The following HS2ST1 variants were observed in gnomAD, a reference collection of about 807,000 sequenced individuals.
HS2ST1 encodes 2-O-sulfotransferase.
In HS2ST1, 18 loss-of-function variants were observed where a neutral mutation model predicts 42.9. That is an observed-to-expected ratio of 0.42 (90% CI 0.29 to 0.62). The LOEUF (loss-of-function observed/expected upper bound fraction) is 0.62. HS2ST1 is among the 20% of genes least tolerant of loss of function. The pLI is 0.21. For synonymous variants in HS2ST1, 146 were observed against 152.9 expected (o/e 0.95, Z 0.33); for missense variants, 334 against 433.8 (o/e 0.77, Z 2.04).
intron 1 of HS2ST1, among the ~76,000 whole-genome samples, chr1:86,928,159 G>A (rs528352497): frequency 3.9e-5 from 6 of 152,032 alleles, no homozygotes; most frequent in African/African-American, 1.4e-4. Context: ...CCCTATTTTT[G>A]TTCTAAGACT....
intron 1 of HS2ST1, among the ~76,000 whole-genome samples, chr1:86,941,498 AC>A (rs1660762092): frequency 6.6e-6 from 1 of 152,114 alleles, no homozygotes; most frequent in African/African-American, 2.4e-5. Flanking sequence ...ACAGCCGGGC[AC>A]CGTGGCTCAC....
rs755789064 is a variant in HS2ST1, at chr1:86,914,994, C to T, written c.-43C>T. On this transcript the variant is annotated 5_prime_UTR_variant, in exon 1 of 7. Coordinates refer to ENST00000370550, the MANE Select transcript of HS2ST1 (RefSeq NM_012262.4). Reference sequence around the variant, plus strand: ...TCTCTCTCGCCTCCGGGGTCCCGCTCCCCGCCCCCCGCGGTATGTCTTGAT... The same window carrying T: ...TCTCTCTCGCCTCCGGGGTCCCGCTTCCCGCCCCCCGCGGTATGTCTTGAT... The T allele has an allele frequency of 1.8e-5, 29 of 1,611,718 alleles. No homozygotes were observed. The highest frequency in any genetic ancestry group is 1.3e-4 in the African/African-American group (10 of 74,894).
At chr1:86,959,530 C>T (rs947423697) in intron 1 of HS2ST1, among the ~76,000 whole-genome samples, 2 of 152,038 alleles carry the variant, frequency 1.3e-5, no homozygotes, top group African/African-American at 2.4e-5. Flanking sequence ...TGGTGGTGCA[C>T]GTCTGTAGTC....
At chr1:86,954,693 A>G (rs1317954312) in intron 1 of HS2ST1, among the ~76,000 whole-genome samples, 1 of 152,162 alleles carries the variant, frequency 6.6e-6, no homozygotes, top group Non-Finnish European at 1.5e-5. Flanking sequence ...CTTCTCATGT[A>G]TGTTACAGGG....
intron 1 of HS2ST1, among the ~76,000 whole-genome samples, chr1:86,941,064 A>G (rs977340487): frequency 5.9e-5 from 9 of 152,236 alleles, no homozygotes; most frequent in Admixed American, 3.3e-4. Context: ...AAACATCTGT[A>G]ATATGCTGTA....
intron 1 of HS2ST1, among the ~76,000 whole-genome samples, chr1:86,995,059 AT>A (rs1649060231): frequency 6.6e-6 from 1 of 151,908 alleles, no homozygotes; most frequent in Non-Finnish European, 1.5e-5. Context: ...AAATTATAGG[AT>A]TTTTTTCTTC....
chr1:87,047,948 T>C (rs1650728968), intron 1 of HS2ST1, among the ~76,000 whole-genome samples: 2 of 152,190 alleles, frequency 1.3e-5, no homozygotes, highest in Non-Finnish European at 2.9e-5. Flanking sequence ...ATTTCCATAT[T>C]AGTTGGTCAA....
At chr1:87,077,633 A>G (rs1047463392) in intron 2 of HS2ST1, among the ~76,000 whole-genome samples, 2 of 152,152 alleles carry the variant, frequency 1.3e-5, no homozygotes, top group African/African-American at 2.4e-5. Flanking sequence ...CTTTTCCTCT[A>G]TTATAAGATC....
intron 3 of HS2ST1, among the ~76,000 whole-genome samples, chr1:87,088,879 G>T (rs1651874712): frequency 6.6e-6 from 1 of 151,994 alleles, no homozygotes; most frequent in African/African-American, 2.4e-5. Flanking sequence ...TTGGATACAG[G>T]ACAGTGGGAC....
chr1:86,960,096 A>T (rs1264320866), intron 1 of HS2ST1, among the ~76,000 whole-genome samples: 1 of 152,188 alleles, frequency 6.6e-6, no homozygotes, highest in Non-Finnish European at 1.5e-5. Flanking sequence ...TCATTGAAGC[A>T]AAATAGCGCA....
At chr1:87,013,019 G>A (rs1649648439) in intron 1 of HS2ST1, among the ~76,000 whole-genome samples, 1 of 152,206 alleles carries the variant, frequency 6.6e-6, no homozygotes, top group Non-Finnish European at 1.5e-5. Context: ...AGCCTCCCTT[G>A]TGACTGTGTT....
chr1:87,092,418 A>T (rs375064924), intron 3 of HS2ST1, 113 bp from the exon 4 acceptor site: 19 of 513,894 alleles, frequency 3.7e-5, no homozygotes, highest in African/African-American at 2.8e-4. Flanking sequence ...AAATTAATTC[A>T]TGTTCTTTTT....
chr1:87,048,940 G>A (rs563676363), intron 1 of HS2ST1, among the ~76,000 whole-genome samples: 3 of 152,184 alleles, frequency 2.0e-5, no homozygotes, highest in East Asian at 1.9e-4. Flanking sequence ...CAACTGGAAA[G>A]CGTTTTCTTC....
intron 1 of HS2ST1, among the ~76,000 whole-genome samples, chr1:87,026,757 A>C (rs757546462): frequency 6.6e-6 from 1 of 152,146 alleles, no homozygotes; most frequent in Non-Finnish European, 1.5e-5. Context: ...GAATGGCAAC[A>C]TAAAACTAGG....
At chr1:87,011,230 C>T (rs1232785898) in intron 1 of HS2ST1, among the ~76,000 whole-genome samples, 1 of 151,978 alleles carries the variant, frequency 6.6e-6, no homozygotes, top group East Asian at 1.9e-4. Flanking sequence ...ATTCCTTTTA[C>T]TTTTTACCAA....
chr1:87,007,188 TATG>T (rs1328403750), intron 1 of HS2ST1, among the ~76,000 whole-genome samples: 10 of 152,138 alleles, frequency 6.6e-5, no homozygotes, highest in Non-Finnish European at 1.5e-5. Flanking sequence ...TTTATCAGTT[TATG>T]ATACTACTTG....
chr1:86,921,475 A>G (rs1459455490), intron 1 of HS2ST1, among the ~76,000 whole-genome samples: 1 of 152,140 alleles, frequency 6.6e-6, no homozygotes, highest in African/African-American at 2.4e-5. Context: ...CAAAATTCAC[A>G]TGTTGGAAAC....
At chr1:86,952,960 G>A (rs947605419) in intron 1 of HS2ST1, among the ~76,000 whole-genome samples, 14 of 152,170 alleles carry the variant, frequency 9.2e-5, no homozygotes, top group Non-Finnish European at 2.9e-5. Context: ...CTTCTCTATA[G>A]CTATGAAAGT....
At chr1:86,915,857 A>G (rs1660143304) in intron 1 of HS2ST1, among the ~76,000 whole-genome samples, 2 of 152,218 alleles carry the variant, frequency 1.3e-5, no homozygotes, top group Non-Finnish European at 2.9e-5. Context: ...GGGCTTGAGA[A>G]TAGGGATGCC....
Sources: allele counts gnomAD v4.1 joint callset (sites outside exome capture counted in the v4.1 genomes callset), GRCh38; gene constraint gnomAD v4.1.1; transcripts MANE v1.5; gene names NCBI Gene and HGNC (gene_info 2026-07-23, HGNC 2026-07-21).